Variants in GALNT13 observed in about 807,000 individuals in gnomAD.
The protein encoded by GALNT13 is UDP-GalNAc:polypeptide N-acetylgalactosaminyltransferase 13.
Under a neutral mutation model 64.2 loss-of-function variants are expected in GALNT13, and 28 were observed. That is an observed-to-expected ratio of 0.44 (90% CI 0.32 to 0.60). The LOEUF (loss-of-function observed/expected upper bound fraction) is 0.60, where lower values mean the gene tolerates loss of function less well. Among genes scored for constraint, GALNT13 ranks in the 20% least tolerant of loss-of-function variants. GALNT13 has a pLI of 0.05. For missense variants in GALNT13, 577 were observed against 669.8 expected, an observed-to-expected ratio of 0.86 and a Z score of 1.53; for synonymous variants, 214 against 224.6, an observed-to-expected ratio of 0.95 and a Z score of 0.42.
intron 9 of GALNT13, among the ~76,000 whole-genome samples, chr2:154,367,533 T>A (rs1697438194): frequency 6.6e-6 from 1 of 152,142 alleles, no homozygotes; most frequent in Admixed American, 6.6e-5. Context: ...GAAGCATTGT[T>A]TTTTTAATAT....
the GALNT13 span, among the ~76,000 whole-genome samples, chr2:153,354,551 A>C: frequency 6.6e-6 from 1 of 152,214 alleles, no homozygotes; most frequent in East Asian, 1.9e-4. Context: ...AAATATGCCA[A>C]GTATGTGGGA....
chr2:153,814,931 TC>T, the GALNT13 span, among the ~76,000 whole-genome samples: 1 of 152,222 alleles, frequency 6.6e-6, no homozygotes, highest in East Asian at 1.9e-4. Context: ...GCTCTTCATG[TC>T]ATGTTGAGAC....
chr2:153,485,891 C>A, the GALNT13 span, among the ~76,000 whole-genome samples: 2 of 152,162 alleles, frequency 1.3e-5, no homozygotes, highest in African/African-American at 4.8e-5. Context: ...CAGAGCAAGA[C>A]CCTGTCTTAA....
At chr2:154,026,050 G>A (rs1370605729) in intron 3 of GALNT13, among the ~76,000 whole-genome samples, 1 of 152,090 alleles carries the variant, frequency 6.6e-6, no homozygotes, top group African/African-American at 2.4e-5. Flanking sequence ...GTTGGGGGGA[G>A]GGGAGTAAGA....
the GALNT13 span, among the ~76,000 whole-genome samples, chr2:153,683,597 G>A: frequency 2.0e-5 from 3 of 151,550 alleles, no homozygotes; most frequent in African/African-American, 4.8e-5. Context: ...TATCTAAGAC[G>A]ACATATTTTA....
At chr2:154,393,347 TAC>T (rs1273043890) in intron 9 of GALNT13, among the ~76,000 whole-genome samples, 1 of 152,188 alleles carries the variant, frequency 6.6e-6, no homozygotes, top group Non-Finnish European at 1.5e-5. Context: ...AAAGCTCTCA[TAC>T]TTGCTTTCCT....
intron 7 of GALNT13, among the ~76,000 whole-genome samples, chr2:154,251,553 C>T (rs17203607): frequency 0.041 from 6,309 of 152,152 alleles, 187 homozygotes; most frequent in Middle Eastern, 0.061. Context: ...TGTGTTTCAT[C>T]GACTCTGCAG....
chr2:154,255,936 C>T (rs1289903348), intron 7 of GALNT13, among the ~76,000 whole-genome samples: 1 of 151,866 alleles, frequency 6.6e-6, no homozygotes, highest in Non-Finnish European at 1.5e-5. Flanking sequence ...GCCCGTAGTC[C>T]CAGCTATTCT....
chr2:153,756,003 G>T, the GALNT13 span, among the ~76,000 whole-genome samples: 1 of 152,050 alleles, frequency 6.6e-6, no homozygotes, highest in African/African-American at 2.4e-5. Flanking sequence ...CCATTAAGCA[G>T]CCTTGGAAAA....
intron 9 of GALNT13, among the ~76,000 whole-genome samples, chr2:154,313,335 C>A (rs1559084867): frequency 6.8e-6 from 1 of 146,176 alleles, no homozygotes; most frequent in East Asian, 2.0e-4. Flanking sequence ...CATATACACA[C>A]TATATATATA....
At chr2:153,078,554 G>A in the GALNT13 span, among the ~76,000 whole-genome samples, 2 of 151,694 alleles carry the variant, frequency 1.3e-5, no homozygotes, top group Admixed American at 6.6e-5. Flanking sequence ...CAGATGATCC[G>A]CCCACCTCGG....
intron 9 of GALNT13, among the ~76,000 whole-genome samples, chr2:154,379,707 A>G (rs1698175915): frequency 6.6e-6 from 1 of 152,086 alleles, no homozygotes; most frequent in South Asian, 2.1e-4. Context: ...TACACTATGT[A>G]GTAACTGTAC....
intron 8 of GALNT13, among the ~76,000 whole-genome samples, chr2:154,280,562 G>C (rs1691910027): frequency 6.6e-6 from 1 of 152,176 alleles, no homozygotes; most frequent in Non-Finnish European, 1.5e-5. Context: ...TAGGAGAGGT[G>C]GACATTTACA....
chr2:153,719,620 G>A, the GALNT13 span, among the ~76,000 whole-genome samples: 18 of 152,190 alleles, frequency 1.2e-4, no homozygotes, highest in Non-Finnish European at 2.4e-4. Context: ...TGCACGAGCC[G>A]AAGCAGGGCA....
chr2:153,534,518 C>CTTTTTTTTT, the GALNT13 span, among the ~76,000 whole-genome samples: 54 of 123,760 alleles, frequency 4.4e-4, 2 homozygotes, highest in Non-Finnish European at 5.2e-4. Context: ...GCCCCTCTTT[C>CTTTTTTTTT]TTTCTTTCTT....
chr2:153,215,412 G>C, the GALNT13 span, among the ~76,000 whole-genome samples: 5 of 151,996 alleles, frequency 3.3e-5, no homozygotes, highest in Non-Finnish European at 7.4e-5. Flanking sequence ...GATAAAACTG[G>C]GGTACTGTGA....
At chr2:153,107,185 G>T in the GALNT13 span, among the ~76,000 whole-genome samples, 17 of 152,120 alleles carry the variant, frequency 1.1e-4, no homozygotes, top group African/African-American at 3.6e-4. Flanking sequence ...TTTGAGCTTT[G>T]TGATGAAAGG....
intron 10 of GALNT13, among the ~76,000 whole-genome samples, chr2:154,396,829 C>G (rs1251797128): frequency 1.3e-5 from 2 of 151,848 alleles, no homozygotes; most frequent in Non-Finnish European, 2.9e-5. Context: ...AACCATTGAT[C>G]TGCACCATTC....
At chr2:154,193,400 G>A (rs775421904) in intron 4 of GALNT13, among the ~76,000 whole-genome samples, 36 of 152,238 alleles carry the variant, frequency 2.4e-4, no homozygotes, top group South Asian at 4.2e-4. Flanking sequence ...CCAGAATTAG[G>A]TCATCTCTCC....
Sources: gnomAD v4.1 joint callset for allele counts (sites outside exome capture counted in the v4.1 genomes callset) on GRCh38, gnomAD v4.1.1 for gene constraint, MANE v1.5 for transcripts, NCBI Gene and HGNC (gene_info 2026-07-23, HGNC 2026-07-21) for gene names.